The following ANKRD30B variants were observed in gnomAD, a reference collection of about 807,000 sequenced individuals.
ANKRD30B encodes ankyrin repeat domain-containing protein 30B.
Under a neutral mutation model 202.2 loss-of-function variants are expected in ANKRD30B, and 144 were observed. The ratio of observed to expected loss-of-function variants is 0.71; its 90% CI spans 0.62 to 0.82. ANKRD30B has a LOEUF of 0.82. Ranked by LOEUF, ANKRD30B falls within the 40% of genes least tolerant of loss-of-function variation. The pLI, the probability that ANKRD30B is intolerant of heterozygous loss-of-function variation, is 0.00. For missense variants in ANKRD30B, 1,487 were observed against 1,669.1 expected, an observed-to-expected ratio of 0.89 and a Z score of 1.90; for synonymous variants, 508 against 561.3, an observed-to-expected ratio of 0.91 and a Z score of 1.34.
At chr18:14,890,529 C>G in the ANKRD30B span, among the ~76,000 whole-genome samples, 1 of 151,396 alleles carries the variant, frequency 6.6e-6, no homozygotes, top group African/African-American at 2.4e-5. Flanking sequence ...GATCAGGAAA[C>G]TGAAGCACAG....
At chr18:14,766,489 A>G (rs1003874915) in intron 7 of ANKRD30B, among the ~76,000 whole-genome samples, 1 of 133,268 alleles carries the variant, frequency 7.5e-6, no homozygotes, top group African/African-American at 2.8e-5. Context: ...AAAAAAAAAA[A>G]AAAAAAAAGA....
the ANKRD30B span, among the ~76,000 whole-genome samples, chr18:14,917,601 C>T: frequency 6.6e-6 from 1 of 152,218 alleles, no homozygotes; most frequent in Non-Finnish European, 1.5e-5. Flanking sequence ...TATTCAGAGT[C>T]AAGTTTGAGC....
At chr18:14,934,948 A>ACACACACC in the ANKRD30B span, among the ~76,000 whole-genome samples, 5 of 126,412 alleles carry the variant, frequency 4.0e-5, no homozygotes, top group African/African-American at 1.7e-4. Context: ...ACACACACAC[A>ACACACACC]CCCCATCGTG....
the ANKRD30B span, chr18:14,883,478 G>A: frequency 1.8e-4 from 26 of 142,266 alleles, no homozygotes; most frequent in African/African-American, 6.6e-4. Flanking sequence ...GATATATACG[G>A]AACAGGGGAT....
At chr18:14,867,337 G>A in the ANKRD30B span, among the ~76,000 whole-genome samples, 1 of 147,920 alleles carries the variant, frequency 6.8e-6, no homozygotes, top group Non-Finnish European at 1.5e-5. Flanking sequence ...GGGGTGGTAT[G>A]GGGGGAGGCT....
In ANKRD30B at chr18:14,850,149, T is replaced by C. The variant is rs1014941842; in HGVS notation, c.3396-65T>C. ...AATAATAAACCAGTATAGGAAGAAG[T>C]AGATCTCAAAGTGAATTCTATTTTC... On this transcript the variant is annotated intron_variant, in intron 40 of 43. Coordinates refer to ENST00000690538, the MANE Select transcript of ANKRD30B (RefSeq NM_001367607.2). The C allele has an allele frequency of 4.6e-6, 5 of 1,095,418 alleles. No homozygotes were observed. The African/African-American group carries it at 8.1e-5, about 18-fold the overall frequency. The allele number at this position is 1,095,418 out of a possible 1,614,324, so 67.9% of individuals were successfully genotyped here. A position where few individuals can be genotyped will look rare whatever the true frequency, so the allele number is the denominator to read the frequency against.
Position 14,852,423 on chromosome 18 carries a change from A to G in ANKRD30B, c.4476+3A>G, listed in dbSNP as rs1360017116. 1 of 1,514,276 alleles carries G rather than the reference A, an allele frequency of 6.6e-7. No homozygotes were observed. The highest frequency in any genetic ancestry group is 8.8e-7 in the Non-Finnish European group (1 of 1,137,724). 93.8% of individuals were successfully genotyped at this position (1,514,276 alleles called of 1,614,324 possible). A position where few individuals can be genotyped will look rare whatever the true frequency, so the allele number is the denominator to read the frequency against. On this transcript the variant is annotated splice_donor_region_variant and intron_variant, in intron 42 of 43. Coordinates refer to ENST00000690538, the MANE Select transcript of ANKRD30B (RefSeq NM_001367607.2). The stretch of plus-strand genomic sequence containing the variant: ...AAAAAGAGAAAGCAGAAAGAGAAGT[A>G]AGTATCAAAAAATATAAATACTTTT...
chr18:14,831,853 A>G (rs1428309398), intron 34 of ANKRD30B, among the ~76,000 whole-genome samples: 1 of 152,174 alleles, frequency 6.6e-6, no homozygotes, highest in African/African-American at 2.4e-5. Flanking sequence ...TTGTAACTTT[A>G]AAAACACCTC....
intron 9 of ANKRD30B, among the ~76,000 whole-genome samples, chr18:14,773,681 A>G (rs796978952): frequency 2.0e-5 from 3 of 150,214 alleles, no homozygotes; most frequent in African/African-American, 4.9e-5. Context: ...TTTTTGAGAC[A>G]GAGTCTCTCT....
At chr18:14,815,629 A>T (rs1316455051) in intron 30 of ANKRD30B, among the ~76,000 whole-genome samples, 1 of 152,192 alleles carries the variant, frequency 6.6e-6, no homozygotes, top group East Asian at 1.9e-4. Flanking sequence ...CTTACTTTTG[A>T]GTATGTTTTT....
chr18:14,881,894 G>T, the ANKRD30B span, among the ~76,000 whole-genome samples: 5 of 152,034 alleles, frequency 3.3e-5, no homozygotes, highest in African/African-American at 1.2e-4. Flanking sequence ...TGTGCCAAAA[G>T]GTGTTCATAG....
At chr18:14,845,910 G>A (rs887604122) in intron 39 of ANKRD30B, among the ~76,000 whole-genome samples, 1 of 152,080 alleles carries the variant, frequency 6.6e-6, no homozygotes. Flanking sequence ...ATTTATGAAG[G>A]GTTGGCCCTC....
intron 6 of ANKRD30B, among the ~76,000 whole-genome samples, chr18:14,762,608 T>C (rs761136482): frequency 1.6e-4 from 25 of 152,180 alleles, no homozygotes; most frequent in Non-Finnish European, 3.4e-4. Flanking sequence ...ATAATTAGTG[T>C]GTTAATAGTA....
chr18:14,818,403 C>T (rs559531144), intron 30 of ANKRD30B, among the ~76,000 whole-genome samples: 2 of 151,848 alleles, frequency 1.3e-5, no homozygotes, highest in South Asian at 4.2e-4. Context: ...GGTACATGTG[C>T]ACATTGTGCA....
chr18:14,828,309 G>A lies in ANKRD30B; in HGVS notation c.2774+1G>A, dbSNP rs1418251741. The A allele has an allele frequency of 2.0e-6, 3 of 1,532,000 alleles. No homozygotes were observed. The highest frequency in any genetic ancestry group is 1.2e-5 in the South Asian group (1 of 80,498). 94.9% of individuals were successfully genotyped at this position (1,532,000 alleles called of 1,614,324 possible). Reference sequence around the variant, plus strand: ...TGAGTTCTGTAGAGTCCACATTCAGGTAAGACTTTGCGGTTTTTTAAAACG... The same window carrying A: ...TGAGTTCTGTAGAGTCCACATTCAGATAAGACTTTGCGGTTTTTTAAAACG... On this transcript the variant is annotated splice_donor_variant, in intron 33 of 43. Coordinates refer to ENST00000690538, the MANE Select transcript of ANKRD30B (RefSeq NM_001367607.2). LOFTEE classifies it high-confidence loss of function.
Position 14,784,492 on chromosome 18 carries a change from A to G in ANKRD30B, c.1629A>G (p.Pro543=). 1.2e-6 allele frequency: 2 copies of G among 1,613,236 alleles called. No individual in the cohort carries two copies. The highest frequency in any genetic ancestry group is 2.7e-5 in the African/African-American group (2 of 75,022). The change falls in exon 14 of 44, where the codon CCA becomes CCG. Residue 543 remains proline (P), a synonymous_variant. Transcript: ENST00000690538. ...KPAVEMQKTV[P]NKAFELKNEQ... is the part of the protein sequence containing the mutation. ...CCGTTGAAATGCAAAAGACTGTTCCAAATAAAGCCTTTGAATTGAAGAATG... is the reference window on the plus strand; with the variant it reads ...CCGTTGAAATGCAAAAGACTGTTCCGAATAAAGCCTTTGAATTGAAGAATG...
At chr18:14,771,979 C>G (rs937254003) in intron 8 of ANKRD30B, among the ~76,000 whole-genome samples, 177 bp from the exon 9 acceptor site, 1 of 152,070 alleles carries the variant, frequency 6.6e-6, no homozygotes, top group Non-Finnish European at 1.5e-5. Flanking sequence ...TTTTTAAAAA[C>G]AGAGGACATA....
chr18:14,909,715 C>G, the ANKRD30B span, among the ~76,000 whole-genome samples: 10 of 152,144 alleles, frequency 6.6e-5, no homozygotes, highest in East Asian at 1.9e-3. Context: ...CTGGAAGGCA[C>G]TATTTTTAAT....
chr18:14,787,130 T>G (rs533235912), intron 15 of ANKRD30B, 30 bp downstream of exon 15: 25 of 1,572,754 alleles, frequency 1.6e-5, no homozygotes, highest in South Asian at 1.4e-4. Context: ...TTTTTAAATA[T>G]TAGTATTGCA....
Sources: allele counts gnomAD v4.1 joint callset (sites outside exome capture counted in the v4.1 genomes callset), GRCh38; gene constraint gnomAD v4.1.1; transcripts MANE v1.5; gene names NCBI Gene and HGNC (gene_info 2026-07-23, HGNC 2026-07-21).